Variants in CPA6 observed in about 807,000 individuals in gnomAD.
CPA6 encodes the protein carboxypeptidase B.
CPA6 carries 58 observed loss-of-function variants against 63.3 expected under a neutral mutation model. The ratio of observed to expected loss-of-function variants is 0.92; its 90% confidence interval spans 0.74 to 1.14. The LOEUF is 1.14. Among genes scored for constraint, CPA6 ranks in the 50% most tolerant of loss-of-function variants. The probability of loss-of-function intolerance (pLI) is 0.00; values close to 1 mark genes in which losing one functional copy is unlikely to be tolerated. For missense variants in CPA6, 565 were observed against 526.6 expected, an observed-to-expected ratio of 1.07 and a Z score of -0.71; for synonymous variants, 185 against 179.0, an observed-to-expected ratio of 1.03 and a Z score of -0.27.
intron 1 of CPA6, among the ~76,000 whole-genome samples, chr8:67,674,199 T>G (rs1351434936): frequency 6.6e-6 from 1 of 152,204 alleles, no homozygotes; most frequent in African/African-American, 2.4e-5. Context: ...GGATTTGAAC[T>G]GAAGTCTGAT....
chr8:67,447,013 TAC>T (rs34839522), intron 8 of CPA6, among the ~76,000 whole-genome samples: 26,978 of 148,408 alleles, frequency 0.18, 2,478 homozygotes, highest in East Asian at 0.23. Flanking sequence ...TATATATATA[TAC>T]ACACACACAT....
chr8:67,475,913 TC>T (rs1182689802), intron 8 of CPA6, among the ~76,000 whole-genome samples: 1 of 101,134 alleles, frequency 9.9e-6, no homozygotes, highest in Non-Finnish European at 2.0e-5. Context: ...TTTCTTTCTT[TC>T]TTTCTTTCTT....
At chr8:67,533,000 C>T (rs1812510255) in intron 2 of CPA6, among the ~76,000 whole-genome samples, 2 of 152,150 alleles carry the variant, frequency 1.3e-5, no homozygotes, top group Non-Finnish European at 2.9e-5. Flanking sequence ...AATACTCTTT[C>T]TAGCCAAACA....
At position 67,633,606 on chromosome 8, in the gene CPA6, G is replaced by C. The variant is rs957975674; in HGVS notation, c.117-9355C>G. ...TGAGGCAGGAGAATGGCGTGAACCAGGGAGGCGGAGCTTGCAGTGAGCAGA... is the reference window on the plus strand; with the variant it reads ...TGAGGCAGGAGAATGGCGTGAACCACGGAGGCGGAGCTTGCAGTGAGCAGA... On this transcript the variant is annotated intron_variant, in intron 1 of 10. Transcript: ENST00000297770. Among the ~76,000 whole-genome samples, 5 of 152,008 alleles carry C rather than the reference G, an allele frequency of 3.3e-5. No homozygotes were observed. In the South Asian group the frequency reaches 8.3e-4, roughly 25 times the overall value.
At chr8:67,637,837 G>A (rs1200936154) in intron 1 of CPA6, among the ~76,000 whole-genome samples, 1 of 151,322 alleles carries the variant, frequency 6.6e-6, no homozygotes, top group African/African-American at 2.5e-5. Flanking sequence ...TAGATTGATG[G>A]CCATCAGCAA....
intron 2 of CPA6, among the ~76,000 whole-genome samples, chr8:67,606,263 A>G (rs1814635507): frequency 6.6e-6 from 1 of 152,018 alleles, no homozygotes; most frequent in Admixed American, 6.6e-5. Context: ...GCACATCAGC[A>G]TGGCACATGT....
intron 1 of CPA6, among the ~76,000 whole-genome samples, chr8:67,644,692 C>A (rs911901668): frequency 1.3e-5 from 2 of 152,116 alleles, no homozygotes; most frequent in Non-Finnish European, 2.9e-5. Flanking sequence ...GATTGATGAG[C>A]AGTGAAGAAG....
At chr8:67,558,091 C>G (rs944631957) in intron 2 of CPA6, among the ~76,000 whole-genome samples, 1 of 152,188 alleles carries the variant, frequency 6.6e-6, no homozygotes, top group Non-Finnish European at 1.5e-5. Context: ...TCACTTCACT[C>G]CAGCCAGACA....
At chr8:67,716,169 A>G (rs1817376556) in intron 1 of CPA6, among the ~76,000 whole-genome samples, 1 of 151,030 alleles carries the variant, frequency 6.6e-6, no homozygotes, top group Non-Finnish European at 1.5e-5. Flanking sequence ...AAAAAAAAAA[A>G]AAAAAAAAGG....
chr8:67,667,136 T>C (rs1191462080), intron 1 of CPA6, among the ~76,000 whole-genome samples: 1 of 152,208 alleles, frequency 6.6e-6, no homozygotes, highest in Non-Finnish European at 1.5e-5. Flanking sequence ...TTTTAAAACA[T>C]TGAAACTTGC....
chr8:67,478,676 T>A (rs927127510), intron 8 of CPA6, among the ~76,000 whole-genome samples: 3 of 152,050 alleles, frequency 2.0e-5, no homozygotes, highest in Admixed American at 1.3e-4. Flanking sequence ...ACACTTTGGG[T>A]TTTTCTGATC....
At position 67,642,092 on chromosome 8, in the gene CPA6, C is replaced by T. The variant is rs138450481; in HGVS notation, c.117-17841G>A. Among the ~76,000 whole-genome samples, 623 of 152,188 alleles carry T rather than the reference C, an allele frequency of 4.1e-3. 12 individuals are homozygous for T. Among genetic ancestry groups the T allele is most frequent in the Non-Finnish European group, 1.4e-3 (93 of 68,002 alleles). The stretch of plus-strand genomic sequence containing the variant: ...ATCCCAGCACTTTGGGAGGCCGAGG[C>T]GGGCAGATCACCTGAGGTCAGGAGC... On this transcript the variant is annotated intron_variant, in intron 1 of 10. Coordinates refer to ENST00000297770, the MANE Select transcript of CPA6 (RefSeq NM_020361.5).
chr8:67,498,681 C>T, intron 6 of CPA6, among the ~76,000 whole-genome samples: 1 of 152,050 alleles, frequency 6.6e-6, no homozygotes, highest in East Asian at 1.9e-4. Flanking sequence ...TTTTCCTCTC[C>T]CCTCAAAGTC....
intron 1 of CPA6, among the ~76,000 whole-genome samples, chr8:67,673,325 A>G (rs961630007): frequency 1.3e-5 from 2 of 150,508 alleles, no homozygotes; most frequent in Admixed American, 6.6e-5. Context: ...TCAGTGTTGC[A>G]TGATTTTTAT....
chr8:67,746,132 T>G lies in CPA6; in HGVS notation c.-3A>C, dbSNP rs1299039988. On this transcript the variant is annotated 5_prime_UTR_variant, in exon 1 of 11. Coordinates refer to ENST00000297770, the MANE Select transcript of CPA6 (RefSeq NM_020361.5). ...CTGCGCTTCCCGAGACACTTCATAG[T>G]GTTAAGAAGAGAGGAGTTGAAAGTT... 6.2e-7 allele frequency: 1 copy of G among 1,606,880 alleles called. No individual in the cohort carries two copies.
At chr8:67,554,716 G>A (rs1243254271) in intron 2 of CPA6, among the ~76,000 whole-genome samples, 1 of 152,192 alleles carries the variant, frequency 6.6e-6, no homozygotes, top group Non-Finnish European at 1.5e-5. Context: ...CTGTTGGTGT[G>A]AGTCACAAAG....
intron 2 of CPA6, among the ~76,000 whole-genome samples, chr8:67,531,270 G>A (rs1217627203): frequency 6.6e-6 from 1 of 151,960 alleles, no homozygotes; most frequent in Non-Finnish European, 1.5e-5. Context: ...AAAGAAATGA[G>A]GAGATATATC....
chr8:67,685,526 GGA>G (rs1210565229), intron 1 of CPA6, among the ~76,000 whole-genome samples: 1 of 152,244 alleles, frequency 6.6e-6, no homozygotes, highest in Non-Finnish European at 1.5e-5. Context: ...GGCTGGGGCA[GGA>G]GAATGGCGTG....
At chr8:67,678,899 C>T (rs931757718) in intron 1 of CPA6, among the ~76,000 whole-genome samples, 2 of 152,166 alleles carry the variant, frequency 1.3e-5, no homozygotes, top group Admixed American at 6.5e-5. Context: ...AATGAATGAA[C>T]TACAAGTCAT....
Sources: allele counts gnomAD v4.1 joint callset (sites outside exome capture counted in the v4.1 genomes callset), GRCh38; gene constraint gnomAD v4.1.1; transcripts MANE v1.5; gene names NCBI Gene and HGNC (gene_info 2026-07-23, HGNC 2026-07-21).